DLC1: variants seen among roughly 807,000 people sequenced by gnomAD.
DLC1 encodes DLC1 Rho GTPase activating protein.
DLC1 carries 54 observed loss-of-function variants against 140.3 expected under a neutral mutation model. That is an observed-to-expected ratio of 0.38 (90% CI 0.31 to 0.48). The LOEUF (loss-of-function observed/expected upper bound fraction) is 0.48, where lower values mean the gene tolerates loss of function less well. Ranked by LOEUF, DLC1 falls within the 20% of genes least tolerant of loss-of-function variation. The pLI is 0.96. For synonymous variants in DLC1, 986 were observed against 728.1 expected (o/e 1.35, Z -5.70); for missense variants, 2,536 against 1,907.0 (o/e 1.33, Z -6.14).
intron 5 of DLC1, among the ~76,000 whole-genome samples, chr8:13,208,839 A>G (rs1232837380): frequency 6.6e-6 from 1 of 152,070 alleles, no homozygotes; most frequent in East Asian, 1.9e-4. Context: ...GGAAGAGCTG[A>G]TGATGTGGGA....
chr8:13,594,082 G>T (rs1263661008), intron 1 of DLC1, among the ~76,000 whole-genome samples: 1 of 152,050 alleles, frequency 6.6e-6, no homozygotes, highest in Non-Finnish European at 1.5e-5. Flanking sequence ...GATCGCTTGA[G>T]TCCAGGAAGT....
intron 4 of DLC1, among the ~76,000 whole-genome samples, chr8:13,379,254 A>G (rs1455356694): frequency 6.6e-6 from 1 of 152,180 alleles, no homozygotes; most frequent in South Asian, 2.1e-4. Context: ...GCCTGGCCTA[A>G]TTGCCTTCAC....
At position 13,448,395 on chromosome 8, in the gene DLC1, G is replaced by A. The variant is rs868185665; in HGVS notation, c.1024-46776C>T. On this transcript the variant is annotated intron_variant, in intron 2 of 17. Coordinates refer to ENST00000276297, the MANE Select transcript of DLC1 (RefSeq NM_182643.3). ...TTTTTTTTTTTTGAGACAGGGTCTC[G>A]CTCTGTCACCCAGGCTGGAGTGCAG... Among the ~76,000 whole-genome samples the A allele has an allele frequency of 4.7e-4, 68 of 145,978 alleles. 1 individual carries two copies. In the Middle Eastern group the frequency reaches 0.011, roughly 23 times the overall value.
At position 13,307,421 on chromosome 8, in the gene DLC1, T is replaced by C. The variant is rs1012777440; in HGVS notation, c.1315-2119A>G. 3.3e-5 allele frequency among the ~76,000 whole-genome samples: 5 copies of C among 152,232 alleles called. No homozygotes were observed. The East Asian group carries it at 9.6e-4, about 29-fold the overall frequency. On this transcript the variant is annotated intron_variant, in intron 4 of 17. Transcript: ENST00000276297. ...ACTAGAGGAAAGCAATTTCCTTCTT[T>C]TACAAGTGATCCTACAGTTTTGGTA... is the stretch of plus-strand genomic sequence containing the variant.
At chr8:13,276,861 A>T (rs76091873) in intron 5 of DLC1, 5,049 of 154,170 alleles carry the variant, frequency 0.033, 142 homozygotes, top group African/African-American at 0.074. Context: ...TTCAAGGTTG[A>T]TTCTCAAGAA....
chr8:13,463,438 A>G (rs1799768962), intron 2 of DLC1, among the ~76,000 whole-genome samples: 1 of 152,212 alleles, frequency 6.6e-6, no homozygotes, highest in Non-Finnish European at 1.5e-5. Context: ...AGGAATAAAT[A>G]TACCTAAAAG....
rs141840901 is a variant in DLC1, at chr8:13,441,510, G to C, written c.1024-39891C>G. ...TAAGCGGATAGGCAACTTCAGCAAA[G>C]TCTCAGGATACAAAATCAATGTGCA... On this transcript the variant is annotated intron_variant, in intron 2 of 17. Coordinates refer to ENST00000276297, the MANE Select transcript of DLC1 (RefSeq NM_182643.3). 6.2e-3 allele frequency among the ~76,000 whole-genome samples: 940 copies of C among 152,284 alleles called. 10 individuals carry two copies. The highest frequency in any genetic ancestry group is 0.021 in the African/African-American group (879 of 41,564).
intron 2 of DLC1, among the ~76,000 whole-genome samples, chr8:13,471,098 G>A (rs561396118): frequency 1.3e-5 from 2 of 151,940 alleles, no homozygotes; most frequent in East Asian, 3.9e-4. Flanking sequence ...CAAATTCATA[G>A]AAATAGTGAG....
chr8:13,217,413 C>G (rs368926796), intron 5 of DLC1, among the ~76,000 whole-genome samples: 183 of 152,274 alleles, frequency 1.2e-3, no homozygotes, highest in Middle Eastern at 3.4e-3. Context: ...TATAACATGT[C>G]TCACTAGAAT....
chr8:13,333,143 T>A (rs1409515205), intron 4 of DLC1, among the ~76,000 whole-genome samples: 1 of 152,226 alleles, frequency 6.6e-6, no homozygotes, highest in Non-Finnish European at 1.5e-5. Flanking sequence ...ATTGCATGCA[T>A]GAATACATTT....
intron 4 of DLC1, among the ~76,000 whole-genome samples, chr8:13,360,518 G>C (rs776097318): frequency 6.6e-6 from 1 of 152,148 alleles, no homozygotes; most frequent in Non-Finnish European, 1.5e-5. Flanking sequence ...ACTGATGCCT[G>C]GGTTTCTGTT....
chr8:13,454,307 G>A (rs1464031780), intron 2 of DLC1, among the ~76,000 whole-genome samples: 1 of 151,664 alleles, frequency 6.6e-6, no homozygotes, highest in Non-Finnish European at 1.5e-5. Context: ...GAAAAAAATT[G>A]ATTTTCTTGG....
chr8:13,449,594 C>T (rs924779178), intron 2 of DLC1, among the ~76,000 whole-genome samples: 1 of 150,954 alleles, frequency 6.6e-6, no homozygotes, highest in Non-Finnish European at 1.5e-5. Flanking sequence ...ACTGCATGTT[C>T]TCACTCATAG....
Position 13,434,245 on chromosome 8 carries a change from G to A in DLC1, c.1024-32626C>T, listed in dbSNP as rs76839527. ...CCATACTTTTACAAATGAGGATGAT[G>A]TCATAACTAGCTAACAATAGAGGTG... On this transcript the variant is annotated intron_variant, in intron 2 of 17. Transcript: ENST00000276297. 9.2e-3 allele frequency among the ~76,000 whole-genome samples: 1,408 copies of A among 152,280 alleles called. 13 individuals are homozygous for A. Among genetic ancestry groups the A allele is most frequent in the Non-Finnish European group, 0.014 (950 of 68,026 alleles).
rs561296008 is a variant in DLC1 at position 13,217,734 on chromosome 8, A to G, written c.1348+87535T>C. On this transcript the variant is annotated intron_variant, in intron 5 of 17. Transcript: ENST00000276297. Reference sequence around the variant, plus strand: ...GCACCTGTAGTCCCAGCTACTTGGGAGGCTGAGGCAGGAGAATTGCTTGAA... The same window carrying G: ...GCACCTGTAGTCCCAGCTACTTGGGGGGCTGAGGCAGGAGAATTGCTTGAA... 5.0e-3 allele frequency among the ~76,000 whole-genome samples: 757 copies of G among 151,964 alleles called. 14 individuals are homozygous for G. Among genetic ancestry groups the G allele is most frequent in the African/African-American group, 0.017 (706 of 41,462 alleles).
intron 3 of DLC1, among the ~76,000 whole-genome samples, chr8:13,394,703 A>G (rs908111009): frequency 1.3e-5 from 2 of 152,008 alleles, no homozygotes; most frequent in Non-Finnish European, 2.9e-5. Context: ...CATGTCCCGC[A>G]CCCCAACTCT....
chr8:13,401,728 CT>C, intron 2 of DLC1, 109 bp from the exon 3 acceptor site: 1 of 1,372,338 alleles, frequency 7.3e-7, no homozygotes, highest in Non-Finnish European at 9.8e-7. Flanking sequence ...AATAGGCAGT[CT>C]TTAATTAGAA....
chr8:13,379,472 A>C (rs1165663593), intron 4 of DLC1, among the ~76,000 whole-genome samples: 1 of 152,168 alleles, frequency 6.6e-6, no homozygotes, highest in Non-Finnish European at 1.5e-5. Flanking sequence ...ACAGTTGGGC[A>C]AAGAGATCTA....
chr8:13,430,922 A>G (rs1838832400), intron 2 of DLC1, among the ~76,000 whole-genome samples: 3 of 152,226 alleles, frequency 2.0e-5, no homozygotes, highest in African/African-American at 7.2e-5. Context: ...AAAGAGTTAT[A>G]ACATGGCATG....
Sources: allele counts gnomAD v4.1 joint callset (sites outside exome capture counted in the v4.1 genomes callset), GRCh38; gene constraint gnomAD v4.1.1; transcripts MANE v1.5; gene names NCBI Gene and HGNC (gene_info 2026-07-23, HGNC 2026-07-21).